The following ITGAV variants were observed in gnomAD, a reference collection of about 807,000 sequenced individuals.
The protein encoded by ITGAV is integrin subunit alpha V.
Under a neutral mutation model 143.8 loss-of-function variants are expected in ITGAV, and 76 were observed. That is an observed-to-expected ratio of 0.53 (90% confidence interval 0.44 to 0.64). The LOEUF (loss-of-function observed/expected upper bound fraction) is 0.64, where lower values mean the gene tolerates loss of function less well. Ranked by LOEUF, ITGAV falls within the 30% of genes least tolerant of loss-of-function variation. ITGAV has a pLI of 0.00. For synonymous variants in ITGAV, 453 were observed against 446.7 expected, an observed-to-expected ratio of 1.01 and a Z score of -0.18; for missense variants, 1,193 against 1,274.7, an observed-to-expected ratio of 0.94 and a Z score of 0.98.
chr2:186,627,577 A>G (rs1190957861), intron 4 of ITGAV, among the ~76,000 whole-genome samples: 3 of 152,142 alleles, frequency 2.0e-5, no homozygotes, highest in East Asian at 1.9e-4. Flanking sequence ...TTAAAGCCAT[A>G]TTTTCTAAGG....
chr2:186,658,736 T>C (rs1048970054), intron 17 of ITGAV, among the ~76,000 whole-genome samples: 2 of 151,918 alleles, frequency 1.3e-5, no homozygotes, highest in Non-Finnish European at 1.5e-5. Context: ...GCTTAAGCAG[T>C]ATCAATAATG....
At chr2:186,668,286 C>T (rs546494490) in intron 24 of ITGAV, among the ~76,000 whole-genome samples, 3 of 121,342 alleles carry the variant, frequency 2.5e-5, no homozygotes, top group African/African-American at 9.7e-5. Flanking sequence ...AGTGCAGTGG[C>T]GCGATCTCAG....
intron 4 of ITGAV, among the ~76,000 whole-genome samples, chr2:186,626,449 C>T (rs1028352249): frequency 2.0e-5 from 3 of 152,070 alleles, no homozygotes; most frequent in Non-Finnish European, 4.4e-5. Context: ...TGCCTAGAGC[C>T]CTTAGGCCAT....
intron 22 of ITGAV, 140 bp from the exon 23 acceptor site, chr2:186,667,006 TTAAG>T: frequency 3.6e-6 from 2 of 549,720 alleles, no homozygotes; most frequent in Non-Finnish European, 6.1e-6. Context: ...CTTCTTGGAA[TTAAG>T]TGTTAATGAA....
intron 2 of ITGAV, among the ~76,000 whole-genome samples, chr2:186,607,016 C>A (rs1002867537): frequency 6.6e-6 from 1 of 152,070 alleles, no homozygotes; most frequent in African/African-American, 2.4e-5. Flanking sequence ...TATTGTTAAA[C>A]CTCATGGTGT....
chr2:186,646,881 C>T lies in ITGAV; in HGVS notation c.1351+4C>T, dbSNP rs534275440. 1.3e-6 allele frequency: 2 copies of T among 1,569,240 alleles called. No individual in the cohort carries two copies. Among genetic ancestry groups the T allele is most frequent in the East Asian group, 4.6e-5 (2 of 43,896 alleles). Reference sequence around the variant, plus strand: ...ATAGACAAAAATGGATATCCAGGTGCTTTCTTATCAACACATAGAGCCCTT... The same window carrying T: ...ATAGACAAAAATGGATATCCAGGTGTTTTCTTATCAACACATAGAGCCCTT... On this transcript the variant is annotated splice_donor_region_variant and intron_variant, in intron 13 of 29. Coordinates refer to ENST00000261023, the MANE Select transcript of ITGAV (RefSeq NM_002210.5).
chr2:186,607,361 C>T (rs1687096246), intron 2 of ITGAV, among the ~76,000 whole-genome samples: 1 of 152,024 alleles, frequency 6.6e-6, no homozygotes, highest in Admixed American at 6.5e-5. Flanking sequence ...TTTTAAACTT[C>T]TGGGAAGACC....
In ITGAV at chr2:186,621,381, G is replaced by A. The variant is rs1687515666; in HGVS notation, c.317-958G>A. Among the ~76,000 whole-genome samples, 6 of 152,104 alleles carry A rather than the reference G, an allele frequency of 3.9e-5. No homozygotes were observed. In the South Asian group the frequency reaches 1.2e-3, roughly 32 times the overall value. ...CATTTTCTTATGTAAGTACAATATAGTCATCACATGTTAGAAATGAATCAT... is the reference window on the plus strand; with the variant it reads ...CATTTTCTTATGTAAGTACAATATAATCATCACATGTTAGAAATGAATCAT... On this transcript the variant is annotated intron_variant, in intron 2 of 29. Coordinates refer to ENST00000261023, the MANE Select transcript of ITGAV (RefSeq NM_002210.5).
intron 4 of ITGAV, among the ~76,000 whole-genome samples, chr2:186,630,215 T>C (rs565971592): frequency 6.6e-6 from 1 of 152,166 alleles, no homozygotes; most frequent in East Asian, 1.9e-4. Flanking sequence ...CTGCTATTCA[T>C]AATAACAAAG....
At chr2:186,633,499 T>G in intron 6 of ITGAV, 125 bp downstream of exon 6, 2 of 420,512 alleles carry the variant, frequency 4.8e-6, no homozygotes, top group Non-Finnish European at 8.7e-6. Context: ...TTAAAGTATA[T>G]AAACACTCCA....
chr2:186,654,797 G>A (rs539092930), intron 16 of ITGAV, 89 bp downstream of exon 16: 16 of 598,624 alleles, frequency 2.7e-5, no homozygotes, highest in African/African-American at 2.5e-4. Flanking sequence ...ATAGTTACTT[G>A]AATTGTTATT....
At chr2:186,649,686 A>T (rs1443517187) in intron 13 of ITGAV, among the ~76,000 whole-genome samples, 154 bp from the exon 14 acceptor site, 1 of 152,132 alleles carries the variant, frequency 6.6e-6, no homozygotes, top group East Asian at 1.9e-4. Flanking sequence ...TACAGTTTTC[A>T]TATATTTTAG....
At chr2:186,602,174 C>A (rs1194498145) in intron 2 of ITGAV, 23 bp downstream of exon 2, 2 of 1,590,024 alleles carry the variant, frequency 1.3e-6, no homozygotes, top group Non-Finnish European at 8.6e-7. Context: ...GCACAATTTT[C>A]TTTTCATTGA....
chr2:186,669,246 T>C (rs1688996738), intron 25 of ITGAV, among the ~76,000 whole-genome samples: 1 of 152,222 alleles, frequency 6.6e-6, no homozygotes, highest in Admixed American at 6.5e-5. Context: ...GTTTTGTTGT[T>C]AAAATTTCTA....
At chr2:186,673,723 A>G (rs1004911910) in intron 26 of ITGAV, among the ~76,000 whole-genome samples, 1 of 151,880 alleles carries the variant, frequency 6.6e-6, no homozygotes, top group Non-Finnish European at 1.5e-5. Flanking sequence ...GCTGGAGTGC[A>G]ATGGTGTGAT....
chr2:186,668,924 A>G lies in ITGAV; in HGVS notation c.2592+4A>G. ...GATCAACCCTTTGAGAATTAAGGTA[A>G]TATGCTTAATAGCAGCTCTTCATTA... On this transcript the variant is annotated splice_donor_region_variant and intron_variant, in intron 25 of 29. Transcript: ENST00000261023. The G allele has an allele frequency of 6.3e-7, 1 of 1,596,444 alleles. No homozygotes were observed. The highest frequency in any genetic ancestry group is 8.5e-7 in the Non-Finnish European group (1 of 1,170,290).
chr2:186,661,634 G>A (rs1487678678), intron 18 of ITGAV, among the ~76,000 whole-genome samples: 1 of 138,220 alleles, frequency 7.2e-6, no homozygotes, highest in African/African-American at 2.8e-5. Flanking sequence ...ATCTTGCTCT[G>A]TTGCCAGGCT....
chr2:186,599,006 C>T (rs866861608), intron 1 of ITGAV, among the ~76,000 whole-genome samples: 1 of 152,130 alleles, frequency 6.6e-6, no homozygotes, highest in Non-Finnish European at 1.5e-5. Flanking sequence ...TTGGCAGCTA[C>T]TACCCAGAAT....
intron 2 of ITGAV, among the ~76,000 whole-genome samples, chr2:186,612,920 TC>T (rs1407562330): frequency 1.3e-5 from 2 of 152,216 alleles, no homozygotes; most frequent in African/African-American, 4.8e-5. Context: ...CCTGATATAA[TC>T]TGTTATCCCC....
Sources: allele counts gnomAD v4.1 joint callset (sites outside exome capture counted in the v4.1 genomes callset), GRCh38; gene constraint gnomAD v4.1.1; transcripts MANE v1.5; gene names NCBI Gene and HGNC (gene_info 2026-07-23, HGNC 2026-07-21).